Variants in GRIN2B observed in about 807,000 individuals in gnomAD.
The protein encoded by GRIN2B is glutamate ionotropic receptor NMDA type subunit 2B.
A neutral mutation model predicts 114.5 loss-of-function variants in GRIN2B; 5 were observed. The ratio of observed to expected loss-of-function variants is 0.04; its 90% CI spans 0.02 to 0.09. The LOEUF (loss-of-function observed/expected upper bound fraction) is 0.09, where lower values mean the gene tolerates loss of function less well. GRIN2B is among the 10% of genes least tolerant of loss of function. GRIN2B has a pLI of 1.00. For missense variants in GRIN2B, 1,108 were observed against 1,943.5 expected, an observed-to-expected ratio of 0.57 and a Z score of 8.08; for synonymous variants, 787 against 745.1, an observed-to-expected ratio of 1.06 and a Z score of -0.92.
chr12:13,901,631 G>T (rs1224079774), intron 2 of GRIN2B, among the ~76,000 whole-genome samples: 1 of 151,990 alleles, frequency 6.6e-6, no homozygotes, highest in East Asian at 1.9e-4. Context: ...TAGTAAATAT[G>T]AGTCTTGTCA....
rs538124009 is a variant in GRIN2B, at chr12:13,910,351, G to A, written c.-18-44125C>T. ...TTGCAAGAATCTATGTCTCTAAAAT[G>A]CCTTGGTGTTAGGTTCCTGGATGAA... On this transcript the variant is annotated intron_variant, in intron 2 of 13. Coordinates refer to ENST00000609686, the MANE Select transcript of GRIN2B (RefSeq NM_000834.5). Among the ~76,000 whole-genome samples, 6 of 152,284 alleles carry A rather than the reference G, an allele frequency of 3.9e-5. No individual in the cohort carries two copies. In the South Asian group the frequency reaches 1.2e-3, roughly 32 times the overall value.
intron 2 of GRIN2B, among the ~76,000 whole-genome samples, chr12:13,889,591 G>T (rs1013455975): frequency 3.9e-5 from 6 of 152,116 alleles, no homozygotes; most frequent in Admixed American, 6.6e-5. Flanking sequence ...GAGGTTAAGT[G>T]ACTACCTTAA....
intron 4 of GRIN2B, among the ~76,000 whole-genome samples, chr12:13,689,783 G>A (rs1157845132): frequency 6.6e-6 from 1 of 152,126 alleles, no homozygotes; most frequent in African/African-American, 2.4e-5. Context: ...ATCTTTACAT[G>A]AACTCTTGCT....
intron 3 of GRIN2B, among the ~76,000 whole-genome samples, chr12:13,857,378 C>G (rs1052433336): frequency 9.8e-5 from 14 of 142,888 alleles, no homozygotes; most frequent in African/African-American, 3.5e-4. Flanking sequence ...TGCATACACA[C>G]ACACACACAC....
intron 5 of GRIN2B, among the ~76,000 whole-genome samples, chr12:13,622,580 TA>T (rs146484356): frequency 1.8e-3 from 273 of 151,378 alleles, no homozygotes; most frequent in African/African-American, 5.8e-3. Flanking sequence ...TCTGCTACTA[TA>T]AAAAAAAACA....
chr12:13,778,100 C>T (rs1467842754), intron 3 of GRIN2B, among the ~76,000 whole-genome samples: 1 of 152,210 alleles, frequency 6.6e-6, no homozygotes, highest in Non-Finnish European at 1.5e-5. Context: ...ATAGAGTGGA[C>T]TTTCCCTATC....
chr12:13,966,831 T>G (rs780328193), intron 2 of GRIN2B, among the ~76,000 whole-genome samples: 1 of 152,194 alleles, frequency 6.6e-6, no homozygotes, highest in Non-Finnish European at 1.5e-5. Flanking sequence ...CCAGAATTAT[T>G]AATACTCCAT....
intron 4 of GRIN2B, among the ~76,000 whole-genome samples, chr12:13,704,285 C>G (rs142930723): frequency 6.6e-6 from 1 of 151,872 alleles, no homozygotes; most frequent in Admixed American, 6.6e-5. Context: ...CCAGGGCTTG[C>G]GGGAAAACTC....
intron 2 of GRIN2B, among the ~76,000 whole-genome samples, chr12:13,946,060 G>A (rs968440123): frequency 6.6e-6 from 1 of 152,168 alleles, no homozygotes; most frequent in Non-Finnish European, 1.5e-5. Context: ...TGAAAATATT[G>A]ATGGGTCAAA....
chr12:13,656,621 T>G (rs368278726), intron 5 of GRIN2B, among the ~76,000 whole-genome samples: 13 of 152,304 alleles, frequency 8.5e-5, no homozygotes, highest in African/African-American at 3.1e-4. Context: ...GTGGAAAAAT[T>G]CAACCTCCCT....
intron 3 of GRIN2B, among the ~76,000 whole-genome samples, chr12:13,786,233 G>T (rs893830970): frequency 6.6e-6 from 1 of 152,120 alleles, no homozygotes; most frequent in Admixed American, 6.5e-5. Context: ...GGGTCCCAAG[G>T]CTAGAGGGAG....
intron 3 of GRIN2B, among the ~76,000 whole-genome samples, chr12:13,849,437 C>T (rs1865522028): frequency 6.6e-6 from 1 of 152,034 alleles, no homozygotes; most frequent in Non-Finnish European, 1.5e-5. Flanking sequence ...ACTTCCTGCC[C>T]CAATTCCTCT....
intron 3 of GRIN2B, among the ~76,000 whole-genome samples, chr12:13,853,702 G>A (rs1865611346): frequency 6.6e-6 from 1 of 152,196 alleles, no homozygotes; most frequent in South Asian, 2.1e-4. Flanking sequence ...TATCTGTGAG[G>A]AAGGGAAAGG....
At chr12:13,815,828 G>A (rs976981963) in intron 3 of GRIN2B, among the ~76,000 whole-genome samples, 6 of 152,026 alleles carry the variant, frequency 3.9e-5, no homozygotes, top group African/African-American at 1.5e-4. Flanking sequence ...TCTTCTTCTT[G>A]TACTTATATT....
chr12:13,730,783 ATAAT>A (rs960230844), intron 4 of GRIN2B, among the ~76,000 whole-genome samples: 4 of 152,228 alleles, frequency 2.6e-5, no homozygotes, highest in African/African-American at 7.2e-5. Context: ...AAAAAACTAA[ATAAT>A]TAATCCCTGA....
At chr12:13,613,173 C>G (rs1485995309) in intron 8 of GRIN2B, among the ~76,000 whole-genome samples, 1 of 151,874 alleles carries the variant, frequency 6.6e-6, no homozygotes, top group Non-Finnish European at 1.5e-5. Flanking sequence ...TGGAGAAAAC[C>G]TCTGCACACT....
In GRIN2B at chr12:13,865,882, G is replaced by C. The variant is rs748395100; in HGVS notation, c.327C>G (p.Ala109=). 10 of 1,613,928 alleles carry C rather than the reference G, an allele frequency of 6.2e-6. No individual in the cohort carries two copies. Among genetic ancestry groups the C allele is most frequent in the Non-Finnish European group, 8.5e-6 (10 of 1,179,986 alleles). Residue 109 remains alanine (A), a synonymous_variant, in exon 3 of 14, where the codon GCC becomes GCG. Coordinates refer to ENST00000609686, the MANE Select transcript of GRIN2B (RefSeq NM_000834.5). The part of the protein sequence containing the change: ...FADDTDQEAI[A]QILDFISAQT... The stretch of plus-strand genomic sequence containing the variant: ...GTGCTGAAATGAAATCGAGGATCTG[G>C]GCGATGGCTTCCTGGTCTGTGTCAT...
At chr12:13,758,019 G>A (rs1209437121) in intron 3 of GRIN2B, among the ~76,000 whole-genome samples, 1 of 152,076 alleles carries the variant, frequency 6.6e-6, no homozygotes, top group Non-Finnish European at 1.5e-5. Context: ...AACACCCTTG[G>A]GGACTGCCTC....
chr12:13,621,608 T>TTTG (rs1949515590), intron 5 of GRIN2B, among the ~76,000 whole-genome samples: 1 of 88,528 alleles, frequency 1.1e-5, no homozygotes, highest in Admixed American at 1.1e-4. Flanking sequence ...AATTGCCTAG[T>TTTG]TTTTGTTTTT....
Sources: gnomAD v4.1 joint callset for allele counts (sites outside exome capture counted in the v4.1 genomes callset) on GRCh38, gnomAD v4.1.1 for gene constraint, MANE v1.5 for transcripts, NCBI Gene and HGNC (gene_info 2026-07-23, HGNC 2026-07-21) for gene names.